Variants in GRIK2 observed in about 807,000 individuals in gnomAD.
GRIK2 encodes glutamate receptor ionotropic, kainate 2.
In GRIK2, 32 loss-of-function variants were observed where a neutral mutation model predicts 100.3. The observed-to-expected ratio is 0.32, with a 90% CI of 0.24 to 0.43. The LOEUF (loss-of-function observed/expected upper bound fraction) is 0.43. Among genes scored for constraint, GRIK2 ranks in the 20% least tolerant of loss-of-function variants. The probability of loss-of-function intolerance (pLI) is 1.00; values close to 1 mark genes in which losing one functional copy is unlikely to be tolerated. For missense variants in GRIK2, 843 were observed against 1,114.9 expected, an observed-to-expected ratio of 0.76 and a Z score of 3.47; for synonymous variants, 417 against 389.4, an observed-to-expected ratio of 1.07 and a Z score of -0.83.
chr6:101,801,255 T>A (rs1780649989), intron 8 of GRIK2, among the ~76,000 whole-genome samples: 1 of 152,112 alleles, frequency 6.6e-6, no homozygotes, highest in African/African-American at 2.4e-5. Flanking sequence ...TCCATTTTGG[T>A]TAGTCACTTG....
intron 15 of GRIK2, among the ~76,000 whole-genome samples, chr6:102,043,892 A>C (rs184510061): frequency 4.0e-4 from 49 of 123,520 alleles, no homozygotes; most frequent in Middle Eastern, 4.3e-3. Context: ...AGGAGTTTTC[A>C]CTTTTACTTC....
At chr6:101,733,331 G>A (rs1775407758) in intron 7 of GRIK2, among the ~76,000 whole-genome samples, 1 of 152,090 alleles carries the variant, frequency 6.6e-6, no homozygotes, top group Non-Finnish European at 1.5e-5. Context: ...TGGTGGAACA[G>A]GTATAGGATA....
chr6:101,621,862 T>TGCACTTGC lies in GRIK2; in HGVS notation c.116-87_116-86insGCACTTGC. 3 of 891,492 alleles carry TGCACTTGC rather than the reference T, an allele frequency of 3.4e-6. No individual in the cohort carries two copies. The South Asian group carries it at 4.2e-5, about 13-fold the overall frequency. 55.2% of individuals were successfully genotyped at this position (891,492 alleles called of 1,614,324 possible). On this transcript the variant is annotated intron_variant, in intron 2 of 16. Coordinates refer to ENST00000369134, the MANE Select transcript of GRIK2 (RefSeq NM_021956.5). Reference sequence around the variant, plus strand: ...AAATGCACTTGCACATATATAAAAGTACAGAAAACTTCTGATATTTTCTTT... The same window carrying TGCACTTGC: ...AAATGCACTTGCACATATATAAAAGTGCACTTGCACAGAAAACTTCTGATATTTTCTTT...
chr6:101,544,283 G>A (rs916410871), intron 2 of GRIK2, among the ~76,000 whole-genome samples: 1 of 152,098 alleles, frequency 6.6e-6, no homozygotes, highest in Non-Finnish European at 1.5e-5. Flanking sequence ...AATTAATAGA[G>A]CTTGAACTGA....
At chr6:101,531,990 G>A (rs1318885941) in intron 2 of GRIK2, among the ~76,000 whole-genome samples, 1 of 151,840 alleles carries the variant, frequency 6.6e-6, no homozygotes, top group East Asian at 1.9e-4. Flanking sequence ...AAGCCCATTA[G>A]AAAACAAAAT....
chr6:101,970,243 G>A (rs939027026), intron 14 of GRIK2, among the ~76,000 whole-genome samples: 1 of 150,884 alleles, frequency 6.6e-6, no homozygotes, highest in Admixed American at 6.6e-5. Context: ...GGGCAAAAAT[G>A]TGGCCATCTC....
intron 10 of GRIK2, among the ~76,000 whole-genome samples, chr6:101,819,366 C>T (rs566113593): frequency 6.6e-5 from 10 of 152,224 alleles, no homozygotes; most frequent in Non-Finnish European, 1.2e-4. Flanking sequence ...AATATATATT[C>T]TTGCCCCTTT....
intron 2 of GRIK2, among the ~76,000 whole-genome samples, chr6:101,604,010 A>G (rs983294656): frequency 6.6e-6 from 1 of 151,746 alleles, no homozygotes; most frequent in Non-Finnish European, 1.5e-5. Context: ...ATAAAGTATA[A>G]TAATTACTTT....
intron 4 of GRIK2, among the ~76,000 whole-genome samples, chr6:101,642,540 C>A (rs1781322398): frequency 6.6e-6 from 1 of 151,672 alleles, no homozygotes; most frequent in African/African-American, 2.4e-5. Flanking sequence ...TTTCAAGGTT[C>A]ATCGATGTTG....
At chr6:101,836,619 T>G (rs62419284) in intron 10 of GRIK2, among the ~76,000 whole-genome samples, 96,678 of 134,714 alleles carry the variant, frequency 0.72, 37,431 homozygotes, top group Middle Eastern at 0.88. Flanking sequence ...ATATATATAG[T>G]TATATATATA....
chr6:101,797,978 A>T (rs923782100), intron 7 of GRIK2, among the ~76,000 whole-genome samples: 1 of 150,970 alleles, frequency 6.6e-6, no homozygotes, highest in Non-Finnish European at 1.5e-5. Flanking sequence ...TAGTGCTTAT[A>T]TAAGAAAACA....
intron 7 of GRIK2, among the ~76,000 whole-genome samples, chr6:101,706,111 A>G (rs1773278295): frequency 2.6e-5 from 4 of 151,902 alleles, no homozygotes; most frequent in Admixed American, 2.0e-4. Context: ...TTATTAGTTC[A>G]AAGATGAACA....
intron 7 of GRIK2, among the ~76,000 whole-genome samples, chr6:101,759,857 TTA>T (rs1491469727): frequency 3.9e-5 from 5 of 129,296 alleles, no homozygotes; most frequent in East Asian, 8.1e-4. Context: ...TTTATTTTTT[TTA>T]TTTTTTTATT....
intron 5 of GRIK2, among the ~76,000 whole-genome samples, chr6:101,677,458 A>G (rs916505565): frequency 6.6e-6 from 1 of 152,148 alleles, no homozygotes; most frequent in African/African-American, 2.4e-5. Context: ...AATCAATCAA[A>G]CAAAACAATT....
chr6:102,015,792 A>G (rs1795804992), intron 14 of GRIK2, among the ~76,000 whole-genome samples: 1 of 152,200 alleles, frequency 6.6e-6, no homozygotes, highest in Non-Finnish European at 1.5e-5. Context: ...CGCCTCCAGC[A>G]CAGCAGGTCC....
chr6:101,927,402 T>C (rs1310806326), intron 13 of GRIK2: 2 of 218,858 alleles, frequency 9.1e-6, no homozygotes, highest in Non-Finnish European at 1.6e-5. Flanking sequence ...TTTTAGTCTA[T>C]GCTTTCTTGA....
At chr6:101,946,749 G>C (rs1010461930) in intron 14 of GRIK2, among the ~76,000 whole-genome samples, 1 of 152,220 alleles carries the variant, frequency 6.6e-6, no homozygotes, top group Non-Finnish European at 1.5e-5. Context: ...AAGGACTGGA[G>C]GGTGTTTAAA....
chr6:101,668,299 A>G (rs1481684771), intron 4 of GRIK2, among the ~76,000 whole-genome samples: 1 of 152,134 alleles, frequency 6.6e-6, no homozygotes, highest in Admixed American at 6.6e-5. Flanking sequence ...CCACCTCCAG[A>G]AGGAGAGAAT....
chr6:101,977,506 A>G (rs979137058), intron 14 of GRIK2, among the ~76,000 whole-genome samples: 1 of 151,934 alleles, frequency 6.6e-6, no homozygotes, highest in Non-Finnish European at 1.5e-5. Context: ...CCTCAGCCAG[A>G]CCAATGTGGA....
Sources: allele counts gnomAD v4.1 joint callset (sites outside exome capture counted in the v4.1 genomes callset), GRCh38; gene constraint gnomAD v4.1.1; transcripts MANE v1.5; gene names NCBI Gene and HGNC (gene_info 2026-07-23, HGNC 2026-07-21).